ITPR2: variants seen among roughly 807,000 people sequenced by gnomAD.
ITPR2 encodes inositol 1,4,5-trisphosphate receptor type 2.
In ITPR2, 207 loss-of-function variants were observed where a neutral mutation model predicts 317.1. The observed-to-expected ratio is 0.65, with a 90% CI of 0.58 to 0.73. The LOEUF (loss-of-function observed/expected upper bound fraction) is 0.73. Among genes scored for constraint, ITPR2 ranks in the 30% least tolerant of loss-of-function variants. The pLI is 0.00. For missense variants in ITPR2, 2,613 were observed against 3,284.0 expected, an observed-to-expected ratio of 0.80 and a Z score of 4.99; for synonymous variants, 1,156 against 1,149.1, an observed-to-expected ratio of 1.01 and a Z score of -0.12.
intron 55 of ITPR2, among the ~76,000 whole-genome samples, chr12:26,353,436 C>T (rs1057305167): frequency 1.3e-5 from 2 of 152,158 alleles, no homozygotes; most frequent in African/African-American, 4.8e-5. Context: ...CTCAAGGTGG[C>T]CTACAGAAAG....
At chr12:26,466,799 T>C (rs181774167) in intron 45 of ITPR2, among the ~76,000 whole-genome samples, 10 of 152,320 alleles carry the variant, frequency 6.6e-5, no homozygotes, top group African/African-American at 2.4e-4. Context: ...CTAAACTGTT[T>C]GCATAATATT....
chr12:26,495,294 C>A (rs773386833), intron 37 of ITPR2, 34 bp from the exon 38 acceptor site: 4 of 1,191,318 alleles, frequency 3.4e-6, no homozygotes, highest in Non-Finnish European at 4.9e-6. Flanking sequence ...TTACTGTTCC[C>A]TTTTCTAATA....
At chr12:26,812,017 G>T (rs890130171) in intron 1 of ITPR2, among the ~76,000 whole-genome samples, 4 of 151,232 alleles carry the variant, frequency 2.6e-5, no homozygotes, top group Non-Finnish European at 4.4e-5. Context: ...CAAAAAATTA[G>T]CTGGGCATGG....
chr12:26,599,416 T>C, intron 29 of ITPR2, 71 bp from the exon 30 acceptor site: 1 of 1,304,354 alleles, frequency 7.7e-7, no homozygotes, highest in Non-Finnish European at 1.1e-6. Context: ...CTTAGACTAA[T>C]TGCCCTGCTT....
chr12:26,510,144 A>G (rs375930123), intron 37 of ITPR2, among the ~76,000 whole-genome samples: 2 of 152,196 alleles, frequency 1.3e-5, no homozygotes, highest in East Asian at 1.9e-4. Flanking sequence ...TCAAGAGTTT[A>G]AAGACAGTTT....
At chr12:26,760,861 T>C (rs983287486) in intron 2 of ITPR2, among the ~76,000 whole-genome samples, 3 of 152,202 alleles carry the variant, frequency 2.0e-5, no homozygotes, top group Non-Finnish European at 4.4e-5. Flanking sequence ...GTAAAGCTCA[T>C]GGAACCTTTC....
intron 2 of ITPR2, among the ~76,000 whole-genome samples, chr12:26,760,526 A>G (rs976011149): frequency 1.3e-4 from 19 of 144,628 alleles, no homozygotes; most frequent in African/African-American, 4.6e-4. Flanking sequence ...TAGCACCAAC[A>G]AAGAACTTAA....
chr12:26,696,117 A>C (rs1025648550), intron 9 of ITPR2, among the ~76,000 whole-genome samples: 6 of 152,224 alleles, frequency 3.9e-5, no homozygotes, highest in African/African-American at 1.2e-4. Flanking sequence ...ATATGTGAGC[A>C]AATACATGAG....
chr12:26,715,331 C>T lies in ITPR2; in HGVS notation c.823G>A (p.Ala275Thr), dbSNP rs1948719307. The stretch of plus-strand genomic sequence containing the variant: ...TCCCAGAGTGCTTTAGAACTAGTAG[C>T]AGAAGTAGCTGATTGGCGCAAGGTC... Reference protein sequence around the residue: ...RTTLRQSATSATSSKALWEIE... With the variant: ...RTTLRQSATSTTSSKALWEIE... Residue 275 changes from alanine to threonine, a missense_variant, in exon 8 of 57, where the codon GCT becomes ACT. Physicochemically the swap from Ala to Thr is moderately conservative, Grantham distance 58. Around this residue, in one of 9 missense-constraint regions of ITPR2, gnomAD observed 515 missense variants for 789.4 expected, o/e 0.65. Transcript: ENST00000381340. The T allele has an allele frequency of 1.9e-6, 3 of 1,613,396 alleles. No individual in the cohort carries two copies. The highest frequency in any genetic ancestry group is 2.5e-6 in the Non-Finnish European group (3 of 1,179,644).
At position 26,832,733 on chromosome 12, in the gene ITPR2, G is replaced by A; in HGVS notation, c.49C>T (p.Leu17=). The change falls in exon 1 of 57, where the codon CTG becomes TTG. Residue 17 remains leucine, a synonymous_variant. Coordinates refer to ENST00000381340, the MANE Select transcript of ITPR2 (RefSeq NM_002223.4). ...CCGTTGACCGAGCCCTCCGCGTACA[G>A]GGACACGATGTCCCCTATGTAGAGG... ...SFLYIGDIVS[L]YAEGSVNGFI... 6.2e-7 allele frequency: 1 copy of A among 1,601,478 alleles called. No homozygotes were observed. The highest frequency in any genetic ancestry group is 8.5e-7 in the Non-Finnish European group (1 of 1,174,804).
At chr12:26,578,498 T>A (rs1010862545) in intron 34 of ITPR2, among the ~76,000 whole-genome samples, 24 of 152,178 alleles carry the variant, frequency 1.6e-4, no homozygotes, top group Admixed American at 3.3e-4. Context: ...TATGCAATAA[T>A]ATTAAATTTA....
intron 1 of ITPR2, among the ~76,000 whole-genome samples, chr12:26,803,728 T>C (rs1316863642): frequency 6.6e-6 from 1 of 152,200 alleles, no homozygotes; most frequent in East Asian, 1.9e-4. Flanking sequence ...CTCTTCCCTG[T>C]TCCTTTATGC....
intron 2 of ITPR2, among the ~76,000 whole-genome samples, chr12:26,742,769 T>C (rs1167301100): frequency 2.0e-5 from 3 of 149,336 alleles, no homozygotes; most frequent in East Asian, 4.0e-4. Flanking sequence ...GCCGAGATCA[T>C]ACCACCGCAC....
At chr12:26,629,318 G>A (rs1037243122) in intron 22 of ITPR2, among the ~76,000 whole-genome samples, 40 of 152,148 alleles carry the variant, frequency 2.6e-4, no homozygotes, top group African/African-American at 9.2e-4. Flanking sequence ...CAGGGGCAGT[G>A]GCTCATGGCT....
At chr12:26,512,580 G>A (rs1415023339) in intron 37 of ITPR2, among the ~76,000 whole-genome samples, 2 of 152,142 alleles carry the variant, frequency 1.3e-5, no homozygotes, top group East Asian at 3.9e-4. Flanking sequence ...GCTTTGAGTT[G>A]TCTCACCTTT....
At chr12:26,470,005 G>T (rs529412494) in intron 45 of ITPR2, among the ~76,000 whole-genome samples, 12 of 152,320 alleles carry the variant, frequency 7.9e-5, no homozygotes, top group African/African-American at 2.9e-4. Context: ...GCGGAAGTGA[G>T]TAATGGCTCC....
At chr12:26,829,275 AC>A (rs1165033361) in intron 1 of ITPR2, among the ~76,000 whole-genome samples, 1 of 152,100 alleles carries the variant, frequency 6.6e-6, no homozygotes, top group Non-Finnish European at 1.5e-5. Context: ...AAAGTAGAAA[AC>A]TGCTATATTT....
chr12:26,462,063 C>T (rs996104503), intron 45 of ITPR2, among the ~76,000 whole-genome samples: 5 of 151,886 alleles, frequency 3.3e-5, no homozygotes, highest in African/African-American at 1.2e-4. Flanking sequence ...AATGCACCAA[C>T]AGCCATAAAA....
chr12:26,491,248 C>G (rs1942792840), intron 39 of ITPR2, among the ~76,000 whole-genome samples: 1 of 151,972 alleles, frequency 6.6e-6, no homozygotes, highest in South Asian at 2.1e-4. Context: ...CTTTGGGAGG[C>G]TGAGGCAGGT....
Sources: gnomAD v4.1 joint callset for allele counts (sites outside exome capture counted in the v4.1 genomes callset) on GRCh38, gnomAD v4.1.1 for gene constraint, gnomAD v4.1.1 regional missense constraint, MANE v1.5 for transcripts, NCBI Gene and HGNC (gene_info 2026-07-23, HGNC 2026-07-21) for gene names.